Variants in MYOM3 observed in about 807,000 individuals in gnomAD.
MYOM3 encodes myomesin 3.
In MYOM3, 155 loss-of-function variants were observed where a neutral mutation model predicts 191.7. That is an observed-to-expected ratio of 0.81 (90% confidence interval 0.71 to 0.92). The LOEUF is 0.92. Ranked by LOEUF, MYOM3 falls within the 40% of genes least tolerant of loss-of-function variation. MYOM3 has a pLI of 0.00. For synonymous variants in MYOM3, 757 were observed against 762.9 expected, an observed-to-expected ratio of 0.99 and a Z score of 0.13; for missense variants, 1,889 against 1,890.6, an observed-to-expected ratio of 1.00 and a Z score of 0.02.
At chr1:24,082,879 G>T in intron 16 of MYOM3, 165 bp from the exon 17 acceptor site, 1 of 748,174 alleles carries the variant, frequency 1.3e-6, no homozygotes, top group Non-Finnish European at 2.0e-6. Context: ...GGCAATGCCT[G>T]AGATGACACC....
intron 6 of MYOM3, 38 bp downstream of exon 6, chr1:24,099,642 G>T: frequency 1.3e-6 from 2 of 1,531,554 alleles, no homozygotes; most frequent in Non-Finnish European, 1.8e-6. Context: ...CGGTGGCAGG[G>T]TCTGGGGTCA....
At chr1:24,104,667 G>C (rs1246911500) in intron 5 of MYOM3, among the ~76,000 whole-genome samples, 1 of 152,200 alleles carries the variant, frequency 6.6e-6, no homozygotes, top group Admixed American at 6.5e-5. Context: ...GTAGAGACAG[G>C]GTTTCCCAAG....
At chr1:24,079,238 C>A (rs1399482969) in intron 20 of MYOM3, among the ~76,000 whole-genome samples, 6 of 152,066 alleles carry the variant, frequency 3.9e-5, no homozygotes, top group Non-Finnish European at 8.8e-5. Flanking sequence ...CTTGCTCTGT[C>A]CCCCAGGCTG....
rs1478441054 is a variant in MYOM3 at position 24,105,976 on chromosome 1, G to A, written c.504C>T (p.His168=). 1.9e-6 allele frequency: 3 copies of A among 1,613,964 alleles called. No individual in the cohort carries two copies. The highest frequency in any genetic ancestry group is 2.5e-6 in the Non-Finnish European group (3 of 1,179,972). The change falls in exon 5 of 37, where the codon CAC becomes CAT. Residue 168 remains histidine (H), a synonymous_variant. Coordinates refer to ENST00000374434, the MANE Select transcript of MYOM3 (RefSeq NM_152372.4). ...CAGTGCAGGTCAGCAGGACCGTGGTGTGCTCCCAGACGGCGTGGGAGCGAA... is the reference window on the plus strand; with the variant it reads ...CAGTGCAGGTCAGCAGGACCGTGGTATGCTCCCAGACGGCGTGGGAGCGAA... ...IPLRSHAVWE[H]TTVLLTCTVQ...
chr1:24,064,581 C>T (rs948593986), intron 29 of MYOM3, among the ~76,000 whole-genome samples: 5 of 152,214 alleles, frequency 3.3e-5, no homozygotes, highest in South Asian at 4.1e-4. Context: ...CAGGAGGAAG[C>T]GTGTTTTCTC....
intron 1 of MYOM3, among the ~76,000 whole-genome samples, chr1:24,109,395 AC>A (rs5773068): frequency 0.36 from 55,258 of 152,128 alleles, 11,191 homozygotes; most frequent in East Asian, 0.71. Flanking sequence ...AGTAAGTACA[AC>A]ATAAGTATTA....
At chr1:24,090,216 G>C (rs1643799655) in intron 12 of MYOM3, 98 bp from the exon 13 acceptor site, 24 of 1,005,444 alleles carry the variant, frequency 2.4e-5, no homozygotes, top group Non-Finnish European at 3.8e-5. Context: ...CCCCGTCCCA[G>C]TCCTGGCCTT....
chr1:24,061,461 G>T, intron 33 of MYOM3, 152 bp from the exon 34 acceptor site: 1 of 739,350 alleles, frequency 1.4e-6, no homozygotes, highest in Non-Finnish European at 2.3e-6. Context: ...AGGACTGCGT[G>T]GGAGGGTAGG....
Position 24,084,628 on chromosome 1 carries a change from G to A in MYOM3, c.1810C>T (p.Pro604Ser). The change falls in exon 16 of 37, where the codon CCT becomes TCT. Residue 604 changes from proline (P) to serine (S), a missense_variant. By Grantham distance (74) the Pro-to-Ser change is moderately conservative (BLOSUM62 -1). Coordinates refer to ENST00000374434, the MANE Select transcript of MYOM3 (RefSeq NM_152372.4). Reference sequence around the variant, plus strand: ...CTGAAAGCTTGAACTTGAGCTGGAGGAGGGAGGGTAGCTAAAAAATAGAAA... The same window carrying A: ...CTGAAAGCTTGAACTTGAGCTGGAGAAGGGAGGGTAGCTAAAAAATAGAAA... ...ALRGPPATLP[P>S]PAQVQAFRDT... is the part of the protein sequence containing the mutation. 5 of 1,611,226 alleles carry A rather than the reference G, an allele frequency of 3.1e-6. No individual in the cohort carries two copies. The highest frequency in any genetic ancestry group is 4.2e-6 in the Non-Finnish European group (5 of 1,178,670).
rs141729785 is a variant in MYOM3, at chr1:24,057,436, G to A, written c.4242C>T (p.Gly1414=). ...TGATGGTGACCTGGCCCGTCTCGGA[G>A]CCATACTTGTTCTTGACGAAGACGC... ...RYGVFVKNKY[G]SETGQVTISV... Residue 1414 remains glycine (G), a synonymous_variant, in exon 37 of 37, where the codon GGC becomes GGT. Transcript: ENST00000374434. 1 of 1,614,204 alleles carries A rather than the reference G, an allele frequency of 6.2e-7. No individual in the cohort carries two copies. The highest frequency in any genetic ancestry group is 1.3e-5 in the African/African-American group (1 of 75,042).
At chr1:24,105,373 G>A (rs1043142428) in intron 5 of MYOM3, among the ~76,000 whole-genome samples, 11 of 152,298 alleles carry the variant, frequency 7.2e-5, no homozygotes, top group Admixed American at 5.9e-4. Flanking sequence ...CGCTACAGGC[G>A]TGAGCTCCTT....
At chr1:24,103,924 C>A (rs1210642488) in intron 5 of MYOM3, among the ~76,000 whole-genome samples, 9 of 151,796 alleles carry the variant, frequency 5.9e-5, no homozygotes, top group Non-Finnish European at 1.5e-5. Context: ...TAAATAATTC[C>A]TTTTCAACCC....
chr1:24,101,147 C>A (rs886915419), intron 5 of MYOM3, among the ~76,000 whole-genome samples: 1 of 152,096 alleles, frequency 6.6e-6, no homozygotes, highest in Non-Finnish European at 1.5e-5. Context: ...CCTTTCACAT[C>A]ATTGTTCCCT....
At chr1:24,095,850 G>A (rs1643876032) in intron 7 of MYOM3, among the ~76,000 whole-genome samples, 1 of 152,110 alleles carries the variant, frequency 6.6e-6, no homozygotes, top group South Asian at 2.1e-4. Flanking sequence ...TTTCTGGTGG[G>A]ATCAGGGAGA....
chr1:24,088,373 T>C (rs1410414409), intron 14 of MYOM3, among the ~76,000 whole-genome samples: 1 of 152,220 alleles, frequency 6.6e-6, no homozygotes, highest in African/African-American at 2.4e-5. Context: ...TGTGCGCTAA[T>C]TAATTTGATC....
intron 5 of MYOM3, among the ~76,000 whole-genome samples, chr1:24,105,690 C>T (rs978925923): frequency 2.0e-5 from 3 of 152,178 alleles, no homozygotes; most frequent in African/African-American, 7.2e-5. Context: ...GCCCAGGAGT[C>T]AAGACTGCAG....
chr1:24,070,293 A>G (rs1643510232), intron 25 of MYOM3, among the ~76,000 whole-genome samples: 1 of 152,236 alleles, frequency 6.6e-6, no homozygotes, highest in Admixed American at 6.5e-5. Context: ...AGGTAAAGTA[A>G]CCAGCAGAAT....
rs182443843 is a variant in MYOM3 at position 24,095,112 on chromosome 1, C to A, written c.791-122G>T. ...CTGGGTCTTGACTAGGAGAAGGGGA[C>A]CTGGCCTTGGGGTAGGAGGGGAAGA... On this transcript the variant is annotated intron_variant, in intron 8 of 36. Transcript: ENST00000374434. 9 of 1,096,318 alleles carry A rather than the reference C, an allele frequency of 8.2e-6. No individual in the cohort carries two copies. The East Asian group carries it at 2.3e-4, about 28-fold the overall frequency. The allele number at this position is 1,096,318 out of a possible 1,614,324, so 67.9% of individuals were successfully genotyped here.
chr1:24,058,667 C>T (rs6685435), intron 36 of MYOM3, among the ~76,000 whole-genome samples: 7,244 of 152,190 alleles, frequency 0.048, 620 homozygotes, highest in African/African-American at 0.16. Context: ...TTCTTTTGGA[C>T]GCTGAAGTCC....
Sources: allele counts gnomAD v4.1 joint callset (sites outside exome capture counted in the v4.1 genomes callset), GRCh38; gene constraint gnomAD v4.1.1; transcripts MANE v1.5; gene names NCBI Gene and HGNC (gene_info 2026-07-23, HGNC 2026-07-21).